Variants in GRK2 observed in about 807,000 individuals in gnomAD.
The protein encoded by GRK2 is G protein-coupled receptor kinase 2.
GRK2 carries 23 observed loss-of-function variants against 97.8 expected under a neutral mutation model. That is an observed-to-expected ratio of 0.24 (90% CI 0.17 to 0.33). GRK2 has a LOEUF of 0.33. GRK2 is among the 10% of genes least tolerant of loss of function. The pLI is 1.00. For missense variants in GRK2, 633 were observed against 956.9 expected, an observed-to-expected ratio of 0.66 and a Z score of 4.47; for synonymous variants, 425 against 381.7, an observed-to-expected ratio of 1.11 and a Z score of -1.32.
At chr11:67,284,035 C>A (rs527931755) in intron 17 of GRK2, 86 bp downstream of exon 17, 2 of 1,435,582 alleles carry the variant, frequency 1.4e-6, no homozygotes, top group Admixed American at 2.0e-5. Context: ...ACCTGTGAGA[C>A]CCTGTGCCAG....
At chr11:67,278,949 G>T (rs566204488) in intron 2 of GRK2, among the ~76,000 whole-genome samples, 1 of 152,196 alleles carries the variant, frequency 6.6e-6, no homozygotes, top group African/African-American at 2.4e-5. Context: ...GCCCATCGCC[G>T]TCCAGCTACC....
intron 5 of GRK2, 25 bp from the exon 6 acceptor site, chr11:67,279,814 A>C: frequency 6.2e-7 from 1 of 1,613,816 alleles, no homozygotes; most frequent in Non-Finnish European, 8.5e-7. Flanking sequence ...GGGCTCAGTC[A>C]CCAACTTCCA....
At position 67,269,339 on chromosome 11, in the gene GRK2, A is replaced by T. The variant is rs1424431449; in HGVS notation, c.113+2527A>T. On this transcript the variant is annotated intron_variant, in intron 1 of 20. Transcript: ENST00000308595. This position sits in a 1 kb window ranked among gnomAD's most constrained non-coding sequence, Gnocchi z 4.1. ...ATTCTCCCCTTTAGCAGTTGAAGTT[A>T]TTGAGGCTCAGGGAGGGGAGGAGTC... 6.6e-6 allele frequency among the ~76,000 whole-genome samples: 1 copy of T among 152,192 alleles called. No individual in the cohort carries two copies. Among genetic ancestry groups the T allele is most frequent in the Non-Finnish European group, 1.5e-5 (1 of 68,022 alleles).
intron 2 of GRK2, among the ~76,000 whole-genome samples, chr11:67,278,889 C>T (rs1334600596): frequency 6.6e-6 from 1 of 152,200 alleles, no homozygotes; most frequent in Non-Finnish European, 1.5e-5. Flanking sequence ...GGTGCTAAGC[C>T]AGGGCTCCCT....
rs759206928 is a variant in GRK2, at chr11:67,281,056, G to A, written c.556-37G>A. ...GCCTCTGCCCCAGGGCTGGGCAGAG[G>A]CAGCCTGTGGTGACCGCAGCTGTCG... On this transcript the variant is annotated intron_variant, in intron 7 of 20. Coordinates refer to ENST00000308595, the MANE Select transcript of GRK2 (RefSeq NM_001619.5). The surrounding 1 kb of genome is among the most constrained non-coding windows in gnomAD (Gnocchi z 5.7). 2.5e-6 allele frequency: 4 copies of A among 1,571,730 alleles called. No individual in the cohort carries two copies. Among genetic ancestry groups the A allele is most frequent in the Admixed American group, 3.5e-5 (2 of 57,610 alleles).
chr11:67,266,870 C>G, intron 1 of GRK2, 58 bp downstream of exon 1: 1 of 881,054 alleles, frequency 1.1e-6, no homozygotes. Context: ...GGCCGCGGCC[C>G]CGAGACCCTG....
At position 67,279,876 on chromosome 11, in the gene GRK2, A is replaced by T; in HGVS notation, c.479A>T (p.Asp160Val). ...GAGATTTGTCAAAACCTCCGAGGGG[A>T]CGTGTTCCAGAAATTCATTGAGAGG... ...IEEICQNLRG[D>V]VFQKFIESDK... Residue 160 changes from aspartate (D) to valine (V), a missense_variant, in exon 6 of 21, where the codon GAC (aspartate) becomes GTC (valine). By Grantham distance (152) the Asp-to-Val change is radical. Around this residue, in one of 4 missense-constraint regions of GRK2, gnomAD observed 193 missense variants for 212.2 expected, o/e 0.91. Transcript: ENST00000308595. 6.2e-7 allele frequency: 1 copy of T among 1,613,914 alleles called. No individual in the cohort carries two copies. The highest frequency in any genetic ancestry group is 1.3e-5 in the African/African-American group (1 of 75,024).
chr11:67,274,269 C>G (rs986625848), intron 1 of GRK2, among the ~76,000 whole-genome samples: 9 of 151,904 alleles, frequency 5.9e-5, no homozygotes, highest in Non-Finnish European at 1.2e-4. Flanking sequence ...CCTCGGCCTC[C>G]CAAAGTGCTG....
Position 67,282,360 on chromosome 11 carries a change from C to T in GRK2, c.1047C>T (p.Ala349=), listed in dbSNP as rs747956204. ...ACDFSKKKPH[A]SVGTHGYMAP... ...ACTTCTCCAAGAAGAAGCCCCATGCCAGCGTGTGAGTGCCCCCCACCCTCT... is the reference window on the plus strand; with the variant it reads ...ACTTCTCCAAGAAGAAGCCCCATGCTAGCGTGTGAGTGCCCCCCACCCTCT... The change falls in exon 12 of 21, where the codon GCC becomes GCT. Residue 349 remains alanine (A), a synonymous_variant. Coordinates refer to ENST00000308595, the MANE Select transcript of GRK2 (RefSeq NM_001619.5). The surrounding 1 kb of genome is among the most constrained non-coding windows in gnomAD (Gnocchi z 6.9). 6.2e-7 allele frequency: 1 copy of T among 1,613,536 alleles called. No homozygotes were observed. The highest frequency in any genetic ancestry group is 1.1e-5 in the South Asian group (1 of 91,088).
At position 67,282,334 on chromosome 11, in the gene GRK2, G is replaced by A; in HGVS notation, c.1021G>A (p.Asp341Asn). The A allele has an allele frequency of 6.2e-7, 1 of 1,613,198 alleles. No homozygotes were observed. Among genetic ancestry groups the A allele is most frequent in the Non-Finnish European group, 8.5e-7 (1 of 1,179,852 alleles). ...GATCTCGGACCTGGGCCTGGCCTGT[G>A]ACTTCTCCAAGAAGAAGCCCCATGC... ...VRISDLGLAC[D>N]FSKKKPHASV... Residue 341 changes from aspartate (D) to asparagine (N), a missense_variant, in exon 12 of 21, where the codon GAC becomes AAC. Transcript: ENST00000308595. This position sits in a 1 kb window ranked among gnomAD's most constrained non-coding sequence, Gnocchi z 6.9.
chr11:67,268,813 A>G (rs1859849542), intron 1 of GRK2, among the ~76,000 whole-genome samples: 1 of 152,228 alleles, frequency 6.6e-6, no homozygotes, highest in African/African-American at 2.4e-5. Flanking sequence ...TTCTTCCAGC[A>G]ACCAACCTGT....
At chr11:67,268,111 C>G (rs1256236650) in intron 1 of GRK2, among the ~76,000 whole-genome samples, 1 of 152,226 alleles carries the variant, frequency 6.6e-6, no homozygotes, top group African/African-American at 2.4e-5. Flanking sequence ...TAAGTCTCTT[C>G]CCTCACTGGG....
Position 67,282,012 on chromosome 11 carries a change from C to A in GRK2, c.957+60C>A. On this transcript the variant is annotated intron_variant, in intron 11 of 20. Transcript: ENST00000308595. The surrounding 1 kb of genome is among the most constrained non-coding windows in gnomAD (Gnocchi z 6.9). Reference sequence around the variant, plus strand: ...GTGGCTGTCCTCTCCTTCCTCTCGACATCCCGGCCACCAGGCCCAGAGGAG... The same window carrying A: ...GTGGCTGTCCTCTCCTTCCTCTCGAAATCCCGGCCACCAGGCCCAGAGGAG... 6 of 1,603,742 alleles carry A rather than the reference C, an allele frequency of 3.7e-6. No individual in the cohort carries two copies. The highest frequency in any genetic ancestry group is 5.1e-6 in the Non-Finnish European group (6 of 1,173,714).
chr11:67,266,759 CA>C lies in GRK2; in HGVS notation c.62del (p.Lys21ArgfsTer33). On this transcript the variant is annotated frameshift_variant, in exon 1 of 21. Coordinates refer to ENST00000308595, the MANE Select transcript of GRK2 (RefSeq NM_001619.5). LOFTEE classifies it high-confidence loss of function. Reference sequence around the variant, plus strand: ...GCTACCTGATGGCCATGGAGAAGAGCAAGGCCACGCCGGCCGCGCGCGCCAG... The same window carrying C: ...GCTACCTGATGGCCATGGAGAAGAGCAGGCCACGCCGGCCGCGCGCGCCAG... ...VSYLMAMEKS[K>X]ATPAARASKK... 1 of 1,381,682 alleles carries C rather than the reference CA, an allele frequency of 7.2e-7. No homozygotes were observed. Among genetic ancestry groups the C allele is most frequent in the Non-Finnish European group, 9.5e-7 (1 of 1,055,800 alleles). The allele number at this position is 1,381,682 out of a possible 1,614,324, so 85.6% of individuals were successfully genotyped here. A position where few individuals can be genotyped will look rare whatever the true frequency, so the allele number is the denominator to read the frequency against.
Position 67,285,689 on chromosome 11 carries a change from G to C in GRK2, c.*239G>C. 1.8e-6 allele frequency: 1 copy of C among 540,808 alleles called. No homozygotes were observed. Among genetic ancestry groups the C allele is most frequent in the African/African-American group, 1.9e-5 (1 of 51,440 alleles). 33.5% of individuals were successfully genotyped at this position (540,808 alleles called of 1,614,324 possible). On this transcript the variant is annotated 3_prime_UTR_variant, in exon 21 of 21. Transcript: ENST00000308595. The stretch of plus-strand genomic sequence containing the variant: ...GCCCGCTCCCAGTGTCTTCCTGTGG[G>C]GGAAGAGCACAGCCCTCCCGCCCCT...
rs1317758016 is a variant in GRK2, at chr11:67,283,129, C to T, written c.1229C>T (p.Ala410Val). 1.1e-5 allele frequency: 18 copies of T among 1,613,644 alleles called. No homozygotes were observed. The highest frequency in any genetic ancestry group is 1.5e-5 in the Non-Finnish European group (18 of 1,179,836). ...HEIDRMTLTM[A>V]VELPDSFSPE... Reference sequence around the variant, plus strand: ...CTAATGTCCCACTCCTCTCTAAAGGCCGTGGAGCTGCCCGACTCCTTCTCC... The same window carrying T: ...CTAATGTCCCACTCCTCTCTAAAGGTCGTGGAGCTGCCCGACTCCTTCTCC... The change falls in exon 15 of 21, where the codon GCC becomes GTC. Residue 410 changes from alanine (A) to valine (V), a missense_variant and splice_region_variant. Ala to Val is a moderately conservative substitution (Grantham distance 64). Coordinates refer to ENST00000308595, the MANE Select transcript of GRK2 (RefSeq NM_001619.5).
intron 1 of GRK2, among the ~76,000 whole-genome samples, chr11:67,271,605 G>A (rs1859909339): frequency 6.6e-6 from 1 of 152,244 alleles, no homozygotes; most frequent in South Asian, 2.1e-4. Context: ...AAGAAGCCGT[G>A]ACATTTGACA....
intron 7 of GRK2, 82 bp downstream of exon 7, chr11:67,280,865 AG>A: frequency 6.6e-7 from 1 of 1,516,412 alleles, no homozygotes; most frequent in Non-Finnish European, 9.1e-7. Flanking sequence ...CTTGGCTGGG[AG>A]GGGGAGGTCA....
At chr11:67,268,077 G>C (rs546459910) in intron 1 of GRK2, among the ~76,000 whole-genome samples, 1 of 152,246 alleles carries the variant, frequency 6.6e-6, no homozygotes, top group Non-Finnish European at 1.5e-5. Context: ...CCACACTGCC[G>C]TGGTCTTATC....
Sources: gnomAD v4.1 joint callset for allele counts (sites outside exome capture counted in the v4.1 genomes callset) on GRCh38, gnomAD v4.1.1 for gene constraint, gnomAD v4.1.1 regional missense constraint, Gnocchi (gnomAD v3.1) non-coding constraint, MANE v1.5 for transcripts, NCBI Gene and HGNC (gene_info 2026-07-23, HGNC 2026-07-21) for gene names.